Variants in AATF observed in about 807,000 individuals in gnomAD.
AATF encodes the protein apoptosis antagonizing transcription factor, also known as protein AATF.
In AATF, 48 loss-of-function variants were observed where a neutral mutation model predicts 63.7. The observed-to-expected ratio is 0.75, with a 90% CI of 0.60 to 0.96. The LOEUF (loss-of-function observed/expected upper bound fraction) is 0.96. Ranked by LOEUF, AATF falls within the 40% of genes least tolerant of loss-of-function variation. The pLI is 0.00. For synonymous variants in AATF, 258 were observed against 247.7 expected (o/e 1.04, Z -0.39); for missense variants, 639 against 685.7 (o/e 0.93, Z 0.76).
intron 11 of AATF, 103 bp from the exon 12 acceptor site, chr17:37,056,498 T>C: frequency 8.3e-7 from 1 of 1,207,724 alleles, no homozygotes; most frequent in Non-Finnish European, 1.2e-6. Flanking sequence ...GGCTGTGTTT[T>C]CAACAGAAGA....
chr17:37,018,341 T>C (rs1379241458), intron 8 of AATF, among the ~76,000 whole-genome samples: 1 of 152,224 alleles, frequency 6.6e-6, no homozygotes, highest in Middle Eastern at 3.2e-3. Context: ...TTAATTGTAT[T>C]GGATGAGAGA....
At chr17:36,994,202 A>G (rs1029251234) in intron 8 of AATF, among the ~76,000 whole-genome samples, 7 of 152,348 alleles carry the variant, frequency 4.6e-5, no homozygotes, top group Middle Eastern at 3.4e-3. Flanking sequence ...AGGACTTCTT[A>G]GACCAAGTCT....
intron 8 of AATF, among the ~76,000 whole-genome samples, chr17:37,001,622 C>CT (rs1416937429): frequency 6.6e-6 from 1 of 152,052 alleles, no homozygotes; most frequent in African/African-American, 2.4e-5. Context: ...CAGCAAAAGC[C>CT]TTTAACATCT....
In AATF at chr17:36,970,309, T is replaced by A. The variant is rs535615564; in HGVS notation, c.833-16308T>A. On this transcript the variant is annotated intron_variant, in intron 4 of 11. Transcript: ENST00000619387. Reference sequence around the variant, plus strand: ...TTCTTAATTTTAAACATTCTAATAATTGTATAGGTAGGTTACAGAACTGAG... The same window carrying A: ...TTCTTAATTTTAAACATTCTAATAAATGTATAGGTAGGTTACAGAACTGAG... Among the ~76,000 whole-genome samples the A allele has an allele frequency of 2.6e-5, 4 of 152,316 alleles. No homozygotes were observed. The South Asian group carries it at 8.3e-4, about 32-fold the overall frequency.
chr17:37,048,646 C>T (rs1351189684), intron 11 of AATF, among the ~76,000 whole-genome samples: 5 of 152,122 alleles, frequency 3.3e-5, no homozygotes, highest in Non-Finnish European at 5.9e-5. Context: ...TCTGGGATTA[C>T]AGGTGTGAGC....
chr17:37,051,263 C>T (rs1456153771), intron 11 of AATF: 1 of 152,272 alleles, frequency 6.6e-6, no homozygotes, highest in Non-Finnish European at 1.5e-5. Flanking sequence ...TCAGGGATGT[C>T]TTGGAGGCCT....
At chr17:36,949,389 C>G (rs2142196186) in intron 1 of AATF, among the ~76,000 whole-genome samples, 173 bp downstream of exon 1, 2 of 152,392 alleles carry the variant, frequency 1.3e-5, no homozygotes, top group South Asian at 4.1e-4. Context: ...AGGGCTTCGG[C>G]TTCTTTTCAC....
chr17:37,025,836 C>T (rs1170840643), intron 10 of AATF, among the ~76,000 whole-genome samples: 2 of 152,096 alleles, frequency 1.3e-5, no homozygotes, highest in Non-Finnish European at 2.9e-5. Context: ...CAGGCAAGGT[C>T]CACAATAGAT....
At chr17:37,010,902 A>G (rs985492446) in intron 8 of AATF, among the ~76,000 whole-genome samples, 3 of 152,214 alleles carry the variant, frequency 2.0e-5, no homozygotes, top group African/African-American at 4.8e-5. Context: ...GAGGTAGACA[A>G]GGGCCCTAGT....
At chr17:37,002,345 A>G (rs892284958) in intron 8 of AATF, among the ~76,000 whole-genome samples, 8 of 152,244 alleles carry the variant, frequency 5.3e-5, no homozygotes, top group Non-Finnish European at 1.0e-4. Context: ...GAATGACCTC[A>G]AAAGGAAATT....
chr17:36,949,996 A>G (rs1022397568), intron 1 of AATF, among the ~76,000 whole-genome samples: 3 of 152,246 alleles, frequency 2.0e-5, no homozygotes, highest in Non-Finnish European at 4.4e-5. Flanking sequence ...CAAGTCATAG[A>G]AATAGATCCC....
intron 9 of AATF, 127 bp downstream of exon 9, chr17:37,019,199 C>A: frequency 1.3e-6 from 1 of 754,028 alleles, no homozygotes; most frequent in Non-Finnish European, 2.2e-6. Flanking sequence ...CAAGTAAGAG[C>A]TAGAAAGAAA....
At chr17:36,963,814 G>A (rs766406044) in intron 4 of AATF, among the ~76,000 whole-genome samples, 9 of 152,154 alleles carry the variant, frequency 5.9e-5, no homozygotes, top group Non-Finnish European at 1.2e-4. Flanking sequence ...GCAACATGGT[G>A]GGCATCCTTG....
Position 36,949,157 on chromosome 17 carries a change from TG to T in AATF, c.34del (p.Glu12AsnfsTer4). On this transcript the variant is annotated frameshift_variant, in exon 1 of 12. Coordinates refer to ENST00000619387, the MANE Select transcript of AATF (RefSeq NM_012138.4). LOFTEE classifies it high-confidence loss of function. MAGPQPLALQ[L>X]EQLLNPRPSE... ...GGGCCGCAGCCCCTGGCGCTGCAAC[TG>T]GAACAGTTGTTGAACCCGCGACCAA... The T allele has an allele frequency of 6.3e-7, 1 of 1,590,108 alleles. No individual in the cohort carries two copies. The highest frequency in any genetic ancestry group is 8.5e-7 in the Non-Finnish European group (1 of 1,170,140).
At chr17:37,051,945 A>C (rs2071755424) in intron 11 of AATF, among the ~76,000 whole-genome samples, 1 of 152,190 alleles carries the variant, frequency 6.6e-6, no homozygotes, top group Non-Finnish European at 1.5e-5. Flanking sequence ...TTGCTTTTGT[A>C]GTTTGCAATA....
At chr17:36,982,275 A>T (rs1344778251) in intron 4 of AATF, among the ~76,000 whole-genome samples, 1 of 146,152 alleles carries the variant, frequency 6.8e-6, no homozygotes, top group Non-Finnish European at 1.5e-5. Flanking sequence ...GAAGCATTAT[A>T]GATGACTCTT....
In AATF at chr17:36,985,260, C is replaced by G. The variant is rs12951746; in HGVS notation, c.833-1357C>G. 3.9e-3 allele frequency among the ~76,000 whole-genome samples: 592 copies of G among 151,938 alleles called. 4 individuals are homozygous for G. The highest frequency in any genetic ancestry group is 0.013 in the African/African-American group (539 of 41,446). ...CCCCTGGCTGAGGATGAGGTTTGTTCAGTGTGTGTGGTTTTTTTTGGAGAC... is the reference window on the plus strand; with the variant it reads ...CCCCTGGCTGAGGATGAGGTTTGTTGAGTGTGTGTGGTTTTTTTTGGAGAC... On this transcript the variant is annotated intron_variant, in intron 4 of 11. Transcript: ENST00000619387.
intron 4 of AATF, among the ~76,000 whole-genome samples, chr17:36,960,046 C>T (rs1205009292): frequency 6.6e-6 from 1 of 151,750 alleles, no homozygotes; most frequent in Non-Finnish European, 1.5e-5. Flanking sequence ...TGGAGTCTTG[C>T]TCTGTCGCCG....
At chr17:37,009,823 C>CAAAAAAAAAAAAAAA (rs1160362372) in intron 8 of AATF, among the ~76,000 whole-genome samples, 1 of 28,778 alleles carries the variant, frequency 3.5e-5, no homozygotes, top group African/African-American at 1.0e-4. Context: ...GACTCCGTCT[C>CAAAAAAAAAAAAAAA]AAAAAAAAAA....
Sources: gnomAD v4.1 joint callset for allele counts (sites outside exome capture counted in the v4.1 genomes callset) on GRCh38, gnomAD v4.1.1 for gene constraint, MANE v1.5 for transcripts, NCBI Gene and HGNC (gene_info 2026-07-23, HGNC 2026-07-21) for gene names.